PABPC4L: variants seen among roughly 807,000 people sequenced by gnomAD.
PABPC4L encodes poly(A) binding protein cytoplasmic 4 like.
For missense variants in PABPC4L, 452 were observed against 451.4 expected, an observed-to-expected ratio of 1.00 and a Z score of -0.01; for synonymous variants, 169 against 164.1, an observed-to-expected ratio of 1.03 and a Z score of -0.23.
chr4:134,014,388 C>A, the PABPC4L span, among the ~76,000 whole-genome samples: 4 of 152,184 alleles, frequency 2.6e-5, no homozygotes, highest in African/African-American at 7.2e-5. Context: ...AACTTCCAAA[C>A]ACCTAAACCG....
At chr4:134,017,228 C>T in the PABPC4L span, among the ~76,000 whole-genome samples, 1 of 152,154 alleles carries the variant, frequency 6.6e-6, no homozygotes, top group African/African-American at 2.4e-5. Flanking sequence ...CCAAGTTCAT[C>T]CACCAACTTA....
chr4:134,022,069 C>T, the PABPC4L span, among the ~76,000 whole-genome samples: 3 of 152,160 alleles, frequency 2.0e-5, no homozygotes, highest in South Asian at 4.1e-4. Context: ...ACAGCATTTT[C>T]CAAGTCTAGA....
the PABPC4L span, among the ~76,000 whole-genome samples, chr4:134,127,871 AG>A: frequency 6.6e-6 from 1 of 152,194 alleles, no homozygotes; most frequent in Non-Finnish European, 1.5e-5. Context: ...CACCAGAGAA[AG>A]GTAAAGTCCA....
the PABPC4L span, among the ~76,000 whole-genome samples, chr4:134,047,366 G>T: frequency 6.6e-6 from 1 of 152,012 alleles, no homozygotes; most frequent in Non-Finnish European, 1.5e-5. Flanking sequence ...AACAGAGAGT[G>T]CAAATAATAC....
the PABPC4L span, among the ~76,000 whole-genome samples, chr4:133,972,801 T>G: frequency 6.6e-6 from 1 of 152,138 alleles, no homozygotes; most frequent in Non-Finnish European, 1.5e-5. Flanking sequence ...ATAATAAATA[T>G]GCACTGGGGT....
chr4:134,084,384 C>T, the PABPC4L span, among the ~76,000 whole-genome samples: 1 of 152,082 alleles, frequency 6.6e-6, no homozygotes, highest in African/African-American at 2.4e-5. Context: ...ATACATACAA[C>T]AAGGAGTGTT....
the PABPC4L span, among the ~76,000 whole-genome samples, chr4:134,134,585 G>T: frequency 6.6e-6 from 1 of 151,338 alleles, no homozygotes; most frequent in African/African-American, 2.4e-5. Flanking sequence ...GTTAGTTAAA[G>T]TTTAAGTGAG....
chr4:133,997,619 G>A, the PABPC4L span, among the ~76,000 whole-genome samples: 1 of 152,156 alleles, frequency 6.6e-6, no homozygotes, highest in African/African-American at 2.4e-5. Flanking sequence ...TTAAGAAGAT[G>A]TGTGACTCAT....
At chr4:133,953,735 G>T in the PABPC4L span, among the ~76,000 whole-genome samples, 2 of 152,094 alleles carry the variant, frequency 1.3e-5, no homozygotes, top group Non-Finnish European at 2.9e-5. Flanking sequence ...GGGAATTTCT[G>T]CCCAGATGGC....
the PABPC4L span, among the ~76,000 whole-genome samples, chr4:134,167,630 A>G: frequency 6.6e-6 from 1 of 151,764 alleles, no homozygotes; most frequent in Non-Finnish European, 1.5e-5. Flanking sequence ...AAGAGCAGGA[A>G]TAGCTATACT....
chr4:134,154,730 G>T, the PABPC4L span, among the ~76,000 whole-genome samples: 1 of 151,734 alleles, frequency 6.6e-6, no homozygotes, highest in South Asian at 2.1e-4. Context: ...GAATTTAAGT[G>T]TTTTTAAACA....
At chr4:133,976,377 C>G in the PABPC4L span, among the ~76,000 whole-genome samples, 14 of 152,060 alleles carry the variant, frequency 9.2e-5, no homozygotes, top group Non-Finnish European at 1.9e-4. Flanking sequence ...TGGGTTGATT[C>G]CATGTCCTTG....
the PABPC4L span, among the ~76,000 whole-genome samples, chr4:134,190,540 T>A: frequency 6.6e-6 from 1 of 152,150 alleles, no homozygotes; most frequent in African/African-American, 2.4e-5. Context: ...AACATTTTCT[T>A]TTCTAATATA....
At chr4:134,056,897 T>G in the PABPC4L span, among the ~76,000 whole-genome samples, 6 of 152,048 alleles carry the variant, frequency 3.9e-5, no homozygotes, top group Non-Finnish European at 7.4e-5. Context: ...ATTATTGCAC[T>G]GGCAAAAACT....
chr4:134,009,758 G>T, the PABPC4L span, among the ~76,000 whole-genome samples: 1 of 151,942 alleles, frequency 6.6e-6, no homozygotes, highest in African/African-American at 2.4e-5. Flanking sequence ...GTTGAATTGT[G>T]CAAAAAATCC....
chr4:134,016,640 T>G, the PABPC4L span, among the ~76,000 whole-genome samples: 1 of 152,180 alleles, frequency 6.6e-6, no homozygotes, highest in South Asian at 2.1e-4. Context: ...CAAATGGTTC[T>G]TAGACCAAGG....
the PABPC4L span, among the ~76,000 whole-genome samples, chr4:134,142,565 T>C: frequency 6.6e-6 from 1 of 151,644 alleles, no homozygotes; most frequent in Non-Finnish European, 1.5e-5. Flanking sequence ...ATGCCTCATA[T>C]AAATTTTTTT....
chr4:133,963,512 C>T, the PABPC4L span, among the ~76,000 whole-genome samples: 1 of 152,136 alleles, frequency 6.6e-6, no homozygotes, highest in East Asian at 1.9e-4. Context: ...ATATACAGAA[C>T]ATTCCATCCA....
chr4:134,056,276 C>T, the PABPC4L span, among the ~76,000 whole-genome samples: 2 of 151,750 alleles, frequency 1.3e-5, no homozygotes, highest in East Asian at 3.9e-4. Context: ...AGAGTGTTTC[C>T]CCCTATTTTA....
Sources: allele counts gnomAD v4.1 joint callset (sites outside exome capture counted in the v4.1 genomes callset), GRCh38; gene constraint gnomAD v4.1.1; transcripts MANE v1.5; gene names NCBI Gene and HGNC (gene_info 2026-07-23, HGNC 2026-07-21).